Variants in BOK observed in about 807,000 individuals in gnomAD.
BOK encodes BCL2 family apoptosis regulator BOK.
A neutral mutation model predicts 18.3 loss-of-function variants in BOK; 20 were observed. That is an observed-to-expected ratio of 1.09 (90% CI 0.77 to 1.59). The LOEUF is 1.59. Among genes scored for constraint, BOK ranks in the 40% most tolerant of loss-of-function variants. The pLI is 0.00. For synonymous variants in BOK, 173 were observed against 142.4 expected (o/e 1.21, Z -1.53); for missense variants, 348 against 307.9 (o/e 1.13, Z -0.97).
In BOK at chr2:241,559,810, C is replaced by A. The variant is rs1348701318; in HGVS notation, c.220+107C>A. 4 of 1,199,182 alleles carry A rather than the reference C, an allele frequency of 3.3e-6. No individual in the cohort carries two copies. In the Admixed American group the frequency reaches 1.3e-4, roughly 38 times the overall value. The allele number at this position is 1,199,182 out of a possible 1,614,324, so 74.3% of individuals were successfully genotyped here. A position where few individuals can be genotyped will look rare whatever the true frequency, so the allele number is the denominator to read the frequency against. On this transcript the variant is annotated intron_variant, in intron 2 of 4. Coordinates refer to ENST00000318407, the MANE Select transcript of BOK (RefSeq NM_032515.5). ...CCGGCCCAGGGGCGCCCACCCCCTG[C>A]CTGGGACGGCCAGGCGCTCGGGACA...
upstream of BOK, among the ~76,000 whole-genome samples, chr2:241,556,038 T>C (rs1468790996): frequency 3.3e-5 from 5 of 152,198 alleles, no homozygotes; most frequent in Admixed American, 3.3e-4. Flanking sequence ...AGGTTTACAG[T>C]CTGGCCATGC....
chr2:241,572,073 C>G (rs1160648285), intron 4 of BOK, among the ~76,000 whole-genome samples: 2 of 152,250 alleles, frequency 1.3e-5, no homozygotes, highest in African/African-American at 4.8e-5. Flanking sequence ...TCCCCACCTC[C>G]CGTGCCTCCT....
At chr2:241,568,963 A>G (rs111925002) in intron 3 of BOK, among the ~76,000 whole-genome samples, 7 of 150,852 alleles carry the variant, frequency 4.6e-5, no homozygotes, top group African/African-American at 7.5e-5. Context: ...TCCAGGGACC[A>G]CTGCTGACTC....
At chr2:241,561,510 C>G (rs535573410) in intron 2 of BOK, among the ~76,000 whole-genome samples, 3 of 34,826 alleles carry the variant, frequency 8.6e-5, no homozygotes, top group Admixed American at 4.9e-4. Flanking sequence ...CAGGTGGGAG[C>G]GTGGCAGTGC....
chr2:241,566,257 C>T (rs1045209326), intron 3 of BOK, among the ~76,000 whole-genome samples: 18 of 151,562 alleles, frequency 1.2e-4, no homozygotes, highest in Non-Finnish European at 2.1e-4. Context: ...GCTCTCCAGC[C>T]TGGGTGACAG....
At chr2:241,553,157 T>G (rs1206118440) in intron 1 of BOK, among the ~76,000 whole-genome samples, 1 of 151,960 alleles carries the variant, frequency 6.6e-6, no homozygotes, top group Non-Finnish European at 1.5e-5. Flanking sequence ...GGTTATTTAT[T>G]TATTTATTCT....
intron 3 of BOK, among the ~76,000 whole-genome samples, chr2:241,564,821 C>T (rs1432167705): frequency 2.6e-5 from 4 of 152,190 alleles, no homozygotes; most frequent in South Asian, 2.1e-4. Context: ...GCTGGGTTTA[C>T]GAGCTGCAGG....
At chr2:241,551,756 G>A (rs1240172497) in intron 1 of BOK, among the ~76,000 whole-genome samples, 1 of 152,208 alleles carries the variant, frequency 6.6e-6, no homozygotes, top group Non-Finnish European at 1.5e-5. Flanking sequence ...AGGAAGGCTT[G>A]CGCTGGCCAA....
At position 241,569,981 on chromosome 2, in the gene BOK, CAGGG is replaced by C. The variant is rs2125054773; in HGVS notation, c.350-141_350-138del. 4.8e-6 allele frequency: 5 copies of C among 1,041,658 alleles called. No homozygotes were observed. In the South Asian group the frequency reaches 8.7e-5, roughly 18 times the overall value. The allele number at this position is 1,041,658 out of a possible 1,614,324, so 64.5% of individuals were successfully genotyped here. A position where few individuals can be genotyped will look rare whatever the true frequency, so the allele number is the denominator to read the frequency against. On this transcript the variant is annotated intron_variant, in intron 3 of 4. Transcript: ENST00000318407. The stretch of plus-strand genomic sequence containing the variant: ...AAGAACTACCTGACAGGCATCCTGT[CAGGG>C]AGCGGTCCCCCCTTGGGACGGTCCC...
chr2:241,552,904 GTGCAGACACACACTACCCAGCAGAAAGA>G (rs2066424298), intron 1 of BOK, among the ~76,000 whole-genome samples: 2 of 152,182 alleles, frequency 1.3e-5, no homozygotes, highest in Non-Finnish European at 2.9e-5. Flanking sequence ...CCTGGGGCAC[GTGCAGACACACACTACCCAGCAGAAAGA>G]TTCCGGGCGG....
Position 241,553,317 on chromosome 2 carries a change from AT to A in BOK, n.54+1846del, listed in dbSNP as rs535558713. On this transcript the variant is annotated intron_variant and non_coding_transcript_variant, in intron 1 of 1. Transcript: ENST00000641230. ...AGGTGCCCGCTACCACACCCAGCTA[AT>A]TTTTTGTATTTTTAGTAGAGACGGG... 6.6e-5 allele frequency among the ~76,000 whole-genome samples: 10 copies of A among 152,146 alleles called. 1 individual carries two copies. In the South Asian group the frequency reaches 2.1e-3, roughly 32 times the overall value.
chr2:241,561,409 G>A (rs1425012226), intron 2 of BOK, among the ~76,000 whole-genome samples: 3 of 151,926 alleles, frequency 2.0e-5, no homozygotes, highest in African/African-American at 7.3e-5. Context: ...AGGTGGGAGC[G>A]TGGCAGTGAG....
rs1400044593 is a variant in BOK at position 241,559,656 on chromosome 2, C to T, written c.173C>T (p.Pro58Leu). The T allele has an allele frequency of 5.8e-6, 8 of 1,389,538 alleles. No homozygotes were observed. Among genetic ancestry groups the T allele is most frequent in the South Asian group, 1.6e-5 (1 of 61,226 alleles). 86.1% of individuals were successfully genotyped at this position (1,389,538 alleles called of 1,614,324 possible). ...TGGAGCGCGCCCGAGCGTGCCGCGC[C>T]GGTCCCGGGACGCCTGGCTGAGGTG... is the stretch of plus-strand genomic sequence containing the variant. Reference protein sequence around the residue: ...LSWSAPERAAPVPGRLAEVCA... With the variant: ...LSWSAPERAALVPGRLAEVCA... The change falls in exon 2 of 5, where the codon CCG (proline) becomes CTG (leucine). Residue 58 changes from proline (P) to leucine (L), a missense_variant. Transcript: ENST00000318407.
At chr2:241,572,188 T>C in intron 4 of BOK, 109 bp from the exon 5 acceptor site, 1 of 1,492,296 alleles carries the variant, frequency 6.7e-7, no homozygotes, top group South Asian at 1.3e-5. Context: ...CTGCATTCCC[T>C]TCATGCAATT....
At chr2:241,563,645 C>T (rs977884707) in intron 3 of BOK, among the ~76,000 whole-genome samples, 3 of 152,228 alleles carry the variant, frequency 2.0e-5, no homozygotes, top group African/African-American at 4.8e-5. Context: ...TGTCTGGGAG[C>T]TGGTGTGGGT....
At chr2:241,551,602 A>C (rs1474840239) in intron 1 of BOK, 1 of 152,392 alleles carries the variant, frequency 6.6e-6, no homozygotes, top group Non-Finnish European at 1.5e-5. Context: ...GGGGGGACCC[A>C]CTAAGGGGGT....
chr2:241,569,988 C>T lies in BOK; in HGVS notation c.350-137C>T, dbSNP rs1306634446. ...ACCTGACAGGCATCCTGTCAGGGAG[C>T]GGTCCCCCCTTGGGACGGTCCCTGG... On this transcript the variant is annotated intron_variant, in intron 3 of 4. Coordinates refer to ENST00000318407, the MANE Select transcript of BOK (RefSeq NM_032515.5). 1.5e-5 allele frequency: 17 copies of T among 1,097,228 alleles called. No individual in the cohort carries two copies. In the East Asian group the frequency reaches 1.7e-4, roughly 11 times the overall value. The allele number at this position is 1,097,228 out of a possible 1,614,324, so 68.0% of individuals were successfully genotyped here.
At chr2:241,557,792 G>C (rs2066464802), upstream of BOK, among the ~76,000 whole-genome samples, 1 of 152,104 alleles carries the variant, frequency 6.6e-6, no homozygotes, top group African/African-American at 2.4e-5. Flanking sequence ...AGCATTTGCA[G>C]ATTTTCCAGT....
At chr2:241,568,090 T>C (rs1243971493) in intron 3 of BOK, among the ~76,000 whole-genome samples, 3 of 152,284 alleles carry the variant, frequency 2.0e-5, no homozygotes, top group African/African-American at 7.2e-5. Context: ...GGCCCATCCA[T>C]GCCCAGCCTG....
Sources: gnomAD v4.1 joint callset for allele counts (sites outside exome capture counted in the v4.1 genomes callset) on GRCh38, gnomAD v4.1.1 for gene constraint, MANE v1.5 for transcripts, NCBI Gene and HGNC (gene_info 2026-07-23, HGNC 2026-07-21) for gene names.